The following IRGM variants were observed in gnomAD, a reference collection of about 807,000 sequenced individuals.
IRGM encodes the protein immunity related GTPase M.
For synonymous variants in IRGM, 98 were observed against 80.6 expected, an observed-to-expected ratio of 1.22 and a Z score of -1.16; for missense variants, 288 against 219.9, an observed-to-expected ratio of 1.31 and a Z score of -1.96.
chr5:150,900,814 A>G (rs1268840486), downstream of IRGM: 2 of 152,150 alleles, frequency 1.3e-5, no homozygotes, highest in Non-Finnish European at 2.9e-5. Context: ...TGGAATACAG[A>G]GGAAATCCAT....
At chr5:150,849,605 C>CTTT (rs922246775), downstream of IRGM, among the ~76,000 whole-genome samples, 34 of 128,400 alleles carry the variant, frequency 2.6e-4, no homozygotes, top group Non-Finnish European at 4.0e-4. Context: ...CTTTTTCTCT[C>CTTT]TTTTTTTTTT....
rs12658239 is a variant in IRGM at position 150,846,761 on chromosome 5, C to G, written c.-875C>G. 2 of 152,734 alleles carry G rather than the reference C, an allele frequency of 1.3e-5. No individual in the cohort carries two copies. Among genetic ancestry groups the G allele is most frequent in the East Asian group, 1.9e-4 (1 of 5,216 alleles). The allele number at this position is 152,734 out of a possible 1,614,324, so 9.5% of individuals were successfully genotyped here. A position where few individuals can be genotyped will look rare whatever the true frequency, so the allele number is the denominator to read the frequency against. On this transcript the variant is annotated 5_prime_UTR_variant, in exon 1 of 2. Coordinates refer to ENST00000522154, the MANE Select transcript of IRGM (RefSeq NM_001145805.2). ...CTCTCACTTCGAAGGTCTGCAGCTTCGCTCCTGAGTCAGTGAAACCACGAA... is the reference window on the plus strand; with the variant it reads ...CTCTCACTTCGAAGGTCTGCAGCTTGGCTCCTGAGTCAGTGAAACCACGAA...
intron 1 of IRGM, among the ~76,000 whole-genome samples, chr5:150,871,279 G>C (rs535123023): frequency 1.8e-4 from 28 of 152,264 alleles, no homozygotes; most frequent in African/African-American, 6.7e-4. Flanking sequence ...ATGGTAATGA[G>C]ATTTAAAAAG....
intron 1 of IRGM, among the ~76,000 whole-genome samples, chr5:150,859,317 G>C (rs12656307): frequency 0.039 from 5,935 of 152,244 alleles, 194 homozygotes; most frequent in East Asian, 0.18. Flanking sequence ...TGTGCTGCTG[G>C]ATTCGGTGTG....
At chr5:150,861,549 T>C (rs1754136198) in intron 1 of IRGM, among the ~76,000 whole-genome samples, 1 of 152,286 alleles carries the variant, frequency 6.6e-6, no homozygotes, top group Admixed American at 6.5e-5. Context: ...AGCTTTCACT[T>C]TTTTTCTCTT....
In IRGM at chr5:150,848,652, C is replaced by CG. The variant is rs778959477; in HGVS notation, c.532dup (p.Val178GlyfsTer3). 1 of 1,537,406 alleles carries CG rather than the reference C, an allele frequency of 6.5e-7. No individual in the cohort carries two copies. The highest frequency in any genetic ancestry group is 1.2e-5 in the South Asian group (1 of 82,762). On this transcript the variant is annotated frameshift_variant, in exon 2 of 2. Coordinates refer to ENST00000522154, the MANE Select transcript of IRGM (RefSeq NM_001145805.2). LOFTEE classifies it high-confidence loss of function. ...TGTCCTGGAAAATCTCCAGAAGGAG[C>CG]GGGTATGTGAATACTAATTCCTGTC...
In IRGM at chr5:150,848,384, G is replaced by T. The variant is rs1753915172; in HGVS notation, c.261G>T (p.Val87=). 6.4e-7 allele frequency: 1 copy of T among 1,551,716 alleles called. No homozygotes were observed. The highest frequency in any genetic ancestry group is 1.4e-5 in the African/African-American group (1 of 73,036). The change falls in exon 2 of 2, where the codon GTG becomes GTT. Residue 87 remains valine, a synonymous_variant. Transcript: ENST00000522154. ...SYFSSHFSNV[V]LWDLPGTGSA... ...TCTCTTCCCACTTTTCAAATGTGGT[G>T]TTGTGGGACCTGCCTGGCACAGGGT...
At chr5:150,883,845 C>A (rs1284756681) in intron 3 of IRGM, among the ~76,000 whole-genome samples, 1 of 151,516 alleles carries the variant, frequency 6.6e-6, no homozygotes, top group Non-Finnish European at 1.5e-5. Context: ...TCAAACTCTT[C>A]AAAAAAAATT....
intron 1 of IRGM, among the ~76,000 whole-genome samples, chr5:150,872,787 G>A (rs987103358): frequency 2.6e-5 from 4 of 152,182 alleles, no homozygotes; most frequent in African/African-American, 4.8e-5. Flanking sequence ...ATCTCCCTTG[G>A]TGTAATGTAC....
At chr5:150,861,576 T>C (rs535311222) in intron 1 of IRGM, among the ~76,000 whole-genome samples, 18 of 152,334 alleles carry the variant, frequency 1.2e-4, no homozygotes, top group African/African-American at 3.8e-4. Flanking sequence ...TGGGCATGTT[T>C]GTTCTTGTTA....
At chr5:150,878,132 T>C (rs1754391568) in intron 2 of IRGM, 2 of 419,206 alleles carry the variant, frequency 4.8e-6, no homozygotes, top group Non-Finnish European at 9.2e-6. Flanking sequence ...AAAAAAATCT[T>C]CACTGATTTT....
In IRGM at chr5:150,848,051, T is replaced by G; in HGVS notation, c.-73T>G. The stretch of plus-strand genomic sequence containing the variant: ...CTCCTGACCTCGTGATCTGCTCGCC[T>G]CGGCCTTCCAAAGTGCTGGGATTAC... On this transcript the variant is annotated 5_prime_UTR_variant, in exon 2 of 2. Transcript: ENST00000522154. 1.6e-6 allele frequency: 2 copies of G among 1,217,858 alleles called. No homozygotes were observed. Among genetic ancestry groups the G allele is most frequent in the Non-Finnish European group, 2.3e-6 (2 of 879,656 alleles). The allele number at this position is 1,217,858 out of a possible 1,614,324, so 75.4% of individuals were successfully genotyped here.
chr5:150,893,750 A>G (rs1194932460), intron 3 of IRGM, among the ~76,000 whole-genome samples: 3 of 152,176 alleles, frequency 2.0e-5, no homozygotes, highest in Non-Finnish European at 4.4e-5. Flanking sequence ...TCAGTTCCAT[A>G]TAAATAGAGC....
intron 1 of IRGM, among the ~76,000 whole-genome samples, chr5:150,873,324 A>G (rs1754314591): frequency 6.6e-6 from 1 of 152,204 alleles, no homozygotes; most frequent in South Asian, 2.1e-4. Flanking sequence ...CAATTTCCAG[A>G]CTTGAACCAG....
At chr5:150,877,800 T>A (rs1268450907) in intron 1 of IRGM, among the ~76,000 whole-genome samples, 1 of 152,202 alleles carries the variant, frequency 6.6e-6, no homozygotes, top group East Asian at 1.9e-4. Context: ...TCATTTTTAT[T>A]TTTTATTATT....
chr5:150,861,093 G>A (rs1754129257), intron 1 of IRGM, among the ~76,000 whole-genome samples: 1 of 152,124 alleles, frequency 6.6e-6, no homozygotes, highest in Non-Finnish European at 1.5e-5. Context: ...TTCTCTATGT[G>A]GTGGGAGCTA....
At chr5:150,900,107 T>C (rs1036321940) in intron 3 of IRGM, among the ~76,000 whole-genome samples, 2 of 152,100 alleles carry the variant, frequency 1.3e-5, no homozygotes, top group Non-Finnish European at 2.9e-5. Flanking sequence ...AGTGGTTAAG[T>C]AAATACTTGC....
In IRGM at chr5:150,897,856, A is replaced by G. The variant is rs184730238; in HGVS notation, c.*141-2733A>G. 8.8e-5 allele frequency: 44 copies of G among 498,904 alleles called. 1 individual carries two copies. The East Asian group carries it at 9.2e-4, about 10-fold the overall frequency. The allele number at this position is 498,904 out of a possible 1,614,324, so 30.9% of individuals were successfully genotyped here. On this transcript the variant is annotated intron_variant and NMD_transcript_variant, in intron 3 of 3. Coordinates refer to the IRGM transcript ENST00000520549. ...TATTGCCTTTAAAACCCTTTCAGGAAAGACAACAAATATAAACATATATAT... is the reference window on the plus strand; with the variant it reads ...TATTGCCTTTAAAACCCTTTCAGGAGAGACAACAAATATAAACATATATAT...
At chr5:150,852,660 T>C (rs1753992983), downstream of IRGM, among the ~76,000 whole-genome samples, 1 of 152,098 alleles carries the variant, frequency 6.6e-6, no homozygotes, top group African/African-American at 2.4e-5. Flanking sequence ...TCTAAGGACA[T>C]AATTTAAAGC....
Sources: gnomAD v4.1 joint callset for allele counts (sites outside exome capture counted in the v4.1 genomes callset) on GRCh38, gnomAD v4.1.1 for gene constraint, MANE v1.5 for transcripts, NCBI Gene and HGNC (gene_info 2026-07-23, HGNC 2026-07-21) for gene names.